Variants in FER1L6 observed in about 807,000 individuals in gnomAD.
FER1L6 encodes fer-1 like family member 6.
In FER1L6, 177 loss-of-function variants were observed where a neutral mutation model predicts 219.2. The ratio of observed to expected loss-of-function variants is 0.81; its 90% CI spans 0.71 to 0.91. FER1L6 has a LOEUF of 0.91. Ranked by LOEUF, FER1L6 falls within the 40% of genes least tolerant of loss-of-function variation. The pLI is 0.00. For missense variants in FER1L6, 2,153 were observed against 2,259.9 expected (o/e 0.95, Z 0.96); for synonymous variants, 768 against 824.3 (o/e 0.93, Z 1.17).
rs746307994 is a variant in FER1L6, at chr8:124,070,461, C to A, written c.3835-6C>A. 1 of 1,612,756 alleles carries A rather than the reference C, an allele frequency of 6.2e-7. No homozygotes were observed. Among genetic ancestry groups the A allele is most frequent in the Non-Finnish European group, 8.5e-7 (1 of 1,179,366 alleles). On this transcript the variant is annotated splice_region_variant and splice_polypyrimidine_tract_variant and intron_variant, in intron 29 of 40. Coordinates refer to ENST00000522917, the MANE Select transcript of FER1L6 (RefSeq NM_001039112.2). ...CTTAGCACAATCTTCTCCCTTTTCC[C>A]TAAAGATATATGACGGTGATCTCGA...
chr8:123,958,231 C>G (rs1815103997), intron 2 of FER1L6, among the ~76,000 whole-genome samples: 1 of 152,172 alleles, frequency 6.6e-6, no homozygotes, highest in African/African-American at 2.4e-5. Flanking sequence ...GAGGGGAGGA[C>G]AGCTCTGTTC....
At chr8:123,966,596 AATTG>A (rs1451231028) in intron 5 of FER1L6, among the ~76,000 whole-genome samples, 5 of 152,140 alleles carry the variant, frequency 3.3e-5, no homozygotes, top group Non-Finnish European at 5.9e-5. Flanking sequence ...ATAGTCAATA[AATTG>A]ATTGAATGTC....
intron 24 of FER1L6, among the ~76,000 whole-genome samples, chr8:124,061,603 G>T (rs1820578707): frequency 6.6e-6 from 1 of 152,230 alleles, no homozygotes; most frequent in Admixed American, 6.5e-5. Context: ...GACTGTCAGA[G>T]AGAGTGCAGA....
chr8:124,091,252 TC>T (rs1359179472), intron 33 of FER1L6, among the ~76,000 whole-genome samples, 170 bp from the exon 34 acceptor site: 2 of 152,204 alleles, frequency 1.3e-5, no homozygotes, highest in Non-Finnish European at 2.9e-5. Context: ...GTTAAGCTAC[TC>T]AGAAGTCTTG....
chr8:124,028,338 A>G (rs575136258), intron 18 of FER1L6, among the ~76,000 whole-genome samples: 2 of 152,340 alleles, frequency 1.3e-5, no homozygotes, highest in South Asian at 2.1e-4. Flanking sequence ...AAGATGATTC[A>G]GCGAGACCAT....
chr8:124,047,522 TG>T (rs1219816909), intron 21 of FER1L6: 5 of 152,268 alleles, frequency 3.3e-5, no homozygotes. Flanking sequence ...TATTTTTGTA[TG>T]TTTGTATGTA....
chr8:123,993,421 G>A (rs964530746), intron 12 of FER1L6, among the ~76,000 whole-genome samples: 6 of 142,194 alleles, frequency 4.2e-5, no homozygotes, highest in South Asian at 2.3e-4. Flanking sequence ...CAGCCTGGGC[G>A]ACAGAGCGAG....
chr8:123,997,611 T>G (rs1817191256), intron 12 of FER1L6, among the ~76,000 whole-genome samples: 1 of 152,202 alleles, frequency 6.6e-6, no homozygotes, highest in South Asian at 2.1e-4. Context: ...CCCTGATCTC[T>G]GTCTTTCTAC....
chr8:124,082,155 G>T, intron 32 of FER1L6, 133 bp from the exon 33 acceptor site: 1 of 593,250 alleles, frequency 1.7e-6, no homozygotes, highest in East Asian at 2.9e-5. Context: ...ACAAATATCT[G>T]CTAAGTATTA....
intron 1 of FER1L6, chr8:123,939,248 G>T (rs1341823489): frequency 2.1e-6 from 2 of 948,334 alleles, no homozygotes; most frequent in Non-Finnish European, 2.5e-6. Flanking sequence ...ACATTCTGTG[G>T]TACTTTTGTA....
chr8:124,100,967 C>A (rs2130983288), intron 37 of FER1L6, 130 bp from the exon 38 acceptor site: 4 of 878,446 alleles, frequency 4.6e-6, no homozygotes, highest in Non-Finnish European at 1.7e-6. Context: ...AAACTTCCAA[C>A]TGAATCTAAT....
chr8:124,003,451 CTTTTTTTTTTTTT>C (rs71289633), intron 13 of FER1L6, 104 bp downstream of exon 13: 398 of 111,770 alleles, frequency 3.6e-3, no homozygotes, highest in Middle Eastern at 8.4e-3. Context: ...CAGAAATGTC[CTTTTTTTTTTTTT>C]TTTTTTTTTT....
chr8:123,941,907 C>G (rs1299292434), intron 1 of FER1L6, among the ~76,000 whole-genome samples: 1 of 152,030 alleles, frequency 6.6e-6, no homozygotes, highest in Non-Finnish European at 1.5e-5. Context: ...CTCGGACCAC[C>G]TCATCTTTTA....
chr8:124,092,901 G>A (rs192935459), intron 34 of FER1L6, among the ~76,000 whole-genome samples: 154 of 150,030 alleles, frequency 1.0e-3, no homozygotes, highest in African/African-American at 3.5e-3. Context: ...TGTCACCCAG[G>A]CTGGAGTGCA....
In FER1L6 at chr8:124,003,203, A is replaced by G. The variant is rs1007108573; in HGVS notation, c.1556A>G (p.His519Arg). The change falls in exon 13 of 41, where the codon CAT becomes CGT. Residue 519 changes from histidine (H) to arginine (R), a missense_variant. Transcript: ENST00000522917. ...AACCTGATTGATGGAGGATCCCATC[A>G]TGGGAGTAAGAAGTCAGCTGAATCA... ...FGNLIDGGSH[H>R]GSKKSAESAE... The G allele has an allele frequency of 2.5e-6, 4 of 1,614,132 alleles. No homozygotes were observed. The highest frequency in any genetic ancestry group is 3.4e-6 in the Non-Finnish European group (4 of 1,180,000).
chr8:124,016,671 A>G (rs1586595555), intron 15 of FER1L6, among the ~76,000 whole-genome samples: 1 of 152,278 alleles, frequency 6.6e-6, no homozygotes, highest in East Asian at 1.9e-4. Flanking sequence ...CATTCAGCAA[A>G]ATATCACAGG....
At chr8:124,007,116 T>TGG (rs1817692193) in intron 13 of FER1L6, among the ~76,000 whole-genome samples, 1 of 152,252 alleles carries the variant, frequency 6.6e-6, no homozygotes, top group Non-Finnish European at 1.5e-5. Context: ...AAACACCTGC[T>TGG]GGTCTGTTTT....
rs577619709 is a variant in FER1L6 at position 123,963,585 on chromosome 8, G to T, written c.197+187G>T. Among the ~76,000 whole-genome samples the T allele has an allele frequency of 2.0e-5, 3 of 152,270 alleles. No individual in the cohort carries two copies. In the South Asian group the frequency reaches 6.2e-4, roughly 32 times the overall value. ...ATGGCAGTGCTGGCCTCTTGATACC[G>T]TTCAGCCTTCATCAGGCCAGGATCA... is the stretch of plus-strand genomic sequence containing the variant. On this transcript the variant is annotated intron_variant, in intron 3 of 40. Coordinates refer to ENST00000522917, the MANE Select transcript of FER1L6 (RefSeq NM_001039112.2).
At chr8:124,066,289 C>A in intron 26 of FER1L6, 139 bp from the exon 27 acceptor site, 3 of 838,204 alleles carry the variant, frequency 3.6e-6, no homozygotes, top group Non-Finnish European at 5.7e-6. Context: ...ATACAGAGAG[C>A]TGCTATCACA....
Sources: gnomAD v4.1 joint callset for allele counts (sites outside exome capture counted in the v4.1 genomes callset) on GRCh38, gnomAD v4.1.1 for gene constraint, MANE v1.5 for transcripts, NCBI Gene and HGNC (gene_info 2026-07-23, HGNC 2026-07-21) for gene names.